The following EIF3F variants were observed in gnomAD, a reference collection of about 807,000 sequenced individuals.
The protein encoded by EIF3F is eukaryotic translation initiation factor 3 subunit F.
In EIF3F, 8 loss-of-function variants were observed where a neutral mutation model predicts 36.0. The observed-to-expected ratio is 0.22, with a 90% CI of 0.13 to 0.40. The LOEUF (loss-of-function observed/expected upper bound fraction) is 0.40, where lower values mean the gene tolerates loss of function less well. Among genes scored for constraint, EIF3F ranks in the 10% least tolerant of loss-of-function variants. EIF3F has a pLI of 1.00. For missense variants in EIF3F, 430 were observed against 467.6 expected (o/e 0.92, Z 0.74); for synonymous variants, 184 against 188.5 (o/e 0.98, Z 0.19).
chr11:7,990,648 A>G (rs1942080884), intron 1 of EIF3F, among the ~76,000 whole-genome samples: 1 of 152,182 alleles, frequency 6.6e-6, no homozygotes, highest in South Asian at 2.1e-4. Context: ...CAAATAAGAT[A>G]AAGGATATAT....
chr11:7,991,887 T>C (rs550436916), intron 2 of EIF3F, 36 bp downstream of exon 2: 2 of 1,612,628 alleles, frequency 1.2e-6, no homozygotes, highest in South Asian at 1.1e-5. Context: ...CTGCAGTTTT[T>C]AGCTGTTCAT....
Position 7,996,148 on chromosome 11 carries a change from C to T in EIF3F, c.*126C>T, listed in dbSNP as rs1942157231. On this transcript the variant is annotated 3_prime_UTR_variant, in exon 8 of 8. Transcript: ENST00000651655. Reference sequence around the variant, plus strand: ...GTCAGTTGTGTGTGACTCTAATAAACGGAGCCTACCTTTTGTAAATTAATT... The same window carrying T: ...GTCAGTTGTGTGTGACTCTAATAAATGGAGCCTACCTTTTGTAAATTAATT... 4 of 775,688 alleles carry T rather than the reference C, an allele frequency of 5.2e-6. No homozygotes were observed. Among genetic ancestry groups the T allele is most frequent in the Admixed American group, 2.3e-5 (1 of 43,086 alleles). The allele number at this position is 775,688 out of a possible 1,614,324, so 48.1% of individuals were successfully genotyped here.
rs950226084 is a variant in EIF3F, at chr11:7,997,388, A to G, written c.*1366A>G. The G allele has an allele frequency of 2.6e-5, 4 of 152,214 alleles. No individual in the cohort carries two copies. The highest frequency in any genetic ancestry group is 9.7e-5 in the African/African-American group (4 of 41,450). The allele number at this position is 152,214 out of a possible 1,614,324, so 9.4% of individuals were successfully genotyped here. On this transcript the variant is annotated 3_prime_UTR_variant, in exon 8 of 8. Transcript: ENST00000651655. ...TTCCGAGGTTAATTGCTAGAAGTAT[A>G]TATAATCTCTCAATGAATAGTGATG...
chr11:7,995,027 G>C lies in EIF3F; in HGVS notation c.791G>C (p.Gly264Ala), dbSNP rs1320639672. Residue 264 changes from glycine to alanine, a missense_variant, in exon 6 of 8, where the codon GGA becomes GCA. Gly to Ala is a moderately conservative substitution (Grantham distance 60). Coordinates refer to ENST00000651655, the MANE Select transcript of EIF3F (RefSeq NM_003754.3). ...TGCTTTAGCCCCAACAGAGTGATTG[G>C]ACTCTCAAGTGACTTGCAGCAAGTA... Reference protein sequence around the residue: ...KTCFSPNRVIGLSSDLQQVGG... With the variant: ...KTCFSPNRVIALSSDLQQVGG... The C allele has an allele frequency of 6.2e-7, 1 of 1,613,750 alleles. No homozygotes were observed. The highest frequency in any genetic ancestry group is 8.5e-7 in the Non-Finnish European group (1 of 1,179,882).
intron 4 of EIF3F, 52 bp from the exon 5 acceptor site, chr11:7,994,374 A>T: frequency 6.5e-7 from 1 of 1,527,626 alleles, no homozygotes; most frequent in South Asian, 1.2e-5. Flanking sequence ...CAGAATAGAC[A>T]TGGAAACCCT....
At position 7,994,521 on chromosome 11, in the gene EIF3F, A is replaced by C. The variant is rs1245771576; in HGVS notation, c.745+4A>C. ...TACGACACTGAACGCATCGGAGGTGAGTAACCTTTCCATACACTCGCGAGA... is the reference window on the plus strand; with the variant it reads ...TACGACACTGAACGCATCGGAGGTGCGTAACCTTTCCATACACTCGCGAGA... On this transcript the variant is annotated splice_donor_region_variant and intron_variant, in intron 5 of 7. Transcript: ENST00000651655. The C allele has an allele frequency of 4.3e-6, 7 of 1,612,424 alleles. No individual in the cohort carries two copies. The highest frequency in any genetic ancestry group is 5.1e-6 in the Non-Finnish European group (6 of 1,179,262).
At position 7,987,475 on chromosome 11, in the gene EIF3F, G is replaced by C. The variant is rs552010351; in HGVS notation, c.123G>C (p.Ala41=). 3 of 1,605,912 alleles carry C rather than the reference G, an allele frequency of 1.9e-6. No homozygotes were observed. The highest frequency in any genetic ancestry group is 1.3e-5 in the African/African-American group (1 of 74,892). ...PAPAAAPVPA[A]APASSSDPAA... is the part of the protein sequence containing the mutation. Reference sequence around the variant, plus strand: ...CGGCTGCGGCTCCGGTTCCCGCTGCGGCTCCAGCCTCATCCTCAGACCCTG... The same window carrying C: ...CGGCTGCGGCTCCGGTTCCCGCTGCCGCTCCAGCCTCATCCTCAGACCCTG... The change falls in exon 1 of 8, where the codon GCG becomes GCC. Residue 41 remains alanine, a synonymous_variant. Transcript: ENST00000651655.
rs1942202193 is a variant in EIF3F, at chr11:7,999,958, C to T, written c.*3936C>T. On this transcript the variant is annotated 3_prime_UTR_variant, in exon 8 of 8. Coordinates refer to ENST00000651655, the MANE Select transcript of EIF3F (RefSeq NM_003754.3). ...GTGGCCCACGCCTGTAATCCCAGCACTTTGGGAGGCCAAGGCAGGTGGATC... is the reference window on the plus strand; with the variant it reads ...GTGGCCCACGCCTGTAATCCCAGCATTTTGGGAGGCCAAGGCAGGTGGATC... 6.6e-6 allele frequency: 1 copy of T among 152,294 alleles called. No homozygotes were observed. The highest frequency in any genetic ancestry group is 1.5e-5 in the Non-Finnish European group (1 of 68,126). 9.4% of individuals were successfully genotyped at this position (152,294 alleles called of 1,614,324 possible).
At chr11:7,989,085 A>G (rs1019401002) in intron 1 of EIF3F, among the ~76,000 whole-genome samples, 4 of 152,064 alleles carry the variant, frequency 2.6e-5, no homozygotes, top group Admixed American at 2.0e-4. Flanking sequence ...CCTACCTTCC[A>G]CGTTCCCAGC....
At chr11:7,995,509 T>G (rs1408657546) in intron 7 of EIF3F, 142 bp downstream of exon 7, 4 of 738,376 alleles carry the variant, frequency 5.4e-6, no homozygotes, top group Non-Finnish European at 9.7e-6. Flanking sequence ...GAAGTCCAGG[T>G]TGGGAGGAAG....
chr11:7,995,241 T>G lies in EIF3F; in HGVS notation c.883-13T>G. On this transcript the variant is annotated splice_polypyrimidine_tract_variant and intron_variant, in intron 6 of 7. Coordinates refer to ENST00000651655, the MANE Select transcript of EIF3F (RefSeq NM_003754.3). Reference sequence around the variant, plus strand: ...AATTAACTGCCTCATCGAGTCTTTGTTTTGGTACTCAGTCTGGAAAGGTGT... The same window carrying G: ...AATTAACTGCCTCATCGAGTCTTTGGTTTGGTACTCAGTCTGGAAAGGTGT... 1 of 1,612,704 alleles carries G rather than the reference T, an allele frequency of 6.2e-7. No homozygotes were observed. Among genetic ancestry groups the G allele is most frequent in the Non-Finnish European group, 8.5e-7 (1 of 1,179,014 alleles).
At chr11:7,989,650 A>G (rs1942069819) in intron 1 of EIF3F, among the ~76,000 whole-genome samples, 1 of 152,218 alleles carries the variant, frequency 6.6e-6, no homozygotes, top group African/African-American at 2.4e-5. Flanking sequence ...AAATGCAAAT[A>G]ATTAGAATGT....
Position 7,993,042 on chromosome 11 carries a change from C to G in EIF3F, c.653+18C>G, listed in dbSNP as rs552001240. On this transcript the variant is annotated intron_variant, in intron 4 of 7. Transcript: ENST00000651655. ...TACGTCAGGTGACCACAGTCTTGGG[C>G]TACAAGGGCATAAAACCATGCCCAG... is the stretch of plus-strand genomic sequence containing the variant. 6.4e-7 allele frequency: 1 copy of G among 1,562,922 alleles called. No individual in the cohort carries two copies. Among genetic ancestry groups the G allele is most frequent in the South Asian group, 1.2e-5 (1 of 82,542 alleles).
At chr11:7,989,200 C>A (rs965720430) in intron 1 of EIF3F, among the ~76,000 whole-genome samples, 1 of 152,214 alleles carries the variant, frequency 6.6e-6, no homozygotes, top group Non-Finnish European at 1.5e-5. Flanking sequence ...CTCTGAGCTT[C>A]TGTAATAAAT....
At chr11:7,989,367 G>A (rs1385282543) in intron 1 of EIF3F, among the ~76,000 whole-genome samples, 1 of 152,146 alleles carries the variant, frequency 6.6e-6, no homozygotes, top group Non-Finnish European at 1.5e-5. Flanking sequence ...AGTCAGACCA[G>A]GTATAATCTA....
At chr11:7,994,277 C>G in intron 4 of EIF3F, 149 bp from the exon 5 acceptor site, 2 of 654,944 alleles carry the variant, frequency 3.1e-6, no homozygotes, top group Non-Finnish European at 2.6e-6. Flanking sequence ...AACTTTTGCT[C>G]CCATGAGACC....
chr11:7,993,940 G>C (rs1209852368), intron 4 of EIF3F, among the ~76,000 whole-genome samples: 1 of 151,666 alleles, frequency 6.6e-6, no homozygotes, highest in Non-Finnish European at 1.5e-5. Context: ...ACATAGTAAA[G>C]TATAGATCCA....
At chr11:7,989,811 A>G (rs1356601882) in intron 1 of EIF3F, among the ~76,000 whole-genome samples, 1 of 152,270 alleles carries the variant, frequency 6.6e-6, no homozygotes, top group Admixed American at 6.5e-5. Context: ...AAAGCCTGGT[A>G]AATCCACTGT....
rs769997167 is a variant in EIF3F at position 7,999,187 on chromosome 11, G to A, written c.*3165G>A. The A allele has an allele frequency of 6.6e-6, 1 of 152,178 alleles. No homozygotes were observed. The highest frequency in any genetic ancestry group is 1.5e-5 in the Non-Finnish European group (1 of 68,032). 9.4% of individuals were successfully genotyped at this position (152,178 alleles called of 1,614,324 possible). A position where few individuals can be genotyped will look rare whatever the true frequency, so the allele number is the denominator to read the frequency against. ...TGGGAAGCTGAGGCAGGAGAATCTCGAACCCAGGAGGTAGGGGTTGCAGTG... is the reference window on the plus strand; with the variant it reads ...TGGGAAGCTGAGGCAGGAGAATCTCAAACCCAGGAGGTAGGGGTTGCAGTG... On this transcript the variant is annotated 3_prime_UTR_variant, in exon 8 of 8. Transcript: ENST00000651655.
Sources: gnomAD v4.1 joint callset for allele counts (sites outside exome capture counted in the v4.1 genomes callset) on GRCh38, gnomAD v4.1.1 for gene constraint, MANE v1.5 for transcripts, NCBI Gene and HGNC (gene_info 2026-07-23, HGNC 2026-07-21) for gene names.